Variants in DKK2 observed in about 807,000 individuals in gnomAD.
The protein encoded by DKK2 is dickkopf-related protein 2.
A neutral mutation model predicts 28.1 loss-of-function variants in DKK2; 11 were observed. That is an observed-to-expected ratio of 0.39 (90% CI 0.25 to 0.65). The LOEUF is 0.65. Ranked by LOEUF, DKK2 falls within the 30% of genes least tolerant of loss-of-function variation. The pLI is 0.47. For missense variants in DKK2, 326 were observed against 335.5 expected (o/e 0.97, Z 0.22); for synonymous variants, 135 against 126.5 (o/e 1.07, Z -0.45).
At chr4:106,986,154 C>G (rs556907388) in intron 1 of DKK2, among the ~76,000 whole-genome samples, 1 of 152,234 alleles carries the variant, frequency 6.6e-6, no homozygotes, top group East Asian at 1.9e-4. Flanking sequence ...CTATTTATTT[C>G]CAGAATTCCC....
At chr4:106,932,799 A>G (rs1371045915) in intron 1 of DKK2, among the ~76,000 whole-genome samples, 1 of 152,226 alleles carries the variant, frequency 6.6e-6, no homozygotes, top group Non-Finnish European at 1.5e-5. Context: ...TGGGATTTAT[A>G]GTAAAACATT....
At chr4:106,946,687 C>A (rs949183007) in intron 1 of DKK2, among the ~76,000 whole-genome samples, 1 of 151,942 alleles carries the variant, frequency 6.6e-6, no homozygotes, top group Non-Finnish European at 1.5e-5. Flanking sequence ...ATTCCATCCT[C>A]TCCTTGGAGA....
chr4:107,000,197 C>T (rs1052739368), intron 1 of DKK2, among the ~76,000 whole-genome samples: 1 of 152,056 alleles, frequency 6.6e-6, no homozygotes, highest in Non-Finnish European at 1.5e-5. Flanking sequence ...AAGTCTTAGT[C>T]CTTGGTCAAT....
chr4:106,924,749 T>C, intron 2 of DKK2, 49 bp from the exon 3 acceptor site: 1 of 1,560,646 alleles, frequency 6.4e-7, no homozygotes, highest in Non-Finnish European at 8.8e-7. Context: ...CTATGAAATG[T>C]GATACTTATC....
At chr4:106,997,795 T>A (rs1462011341) in intron 1 of DKK2, among the ~76,000 whole-genome samples, 1 of 152,246 alleles carries the variant, frequency 6.6e-6, no homozygotes, top group Non-Finnish European at 1.5e-5. Flanking sequence ...ACTCAGAAAG[T>A]TCTTTAATAG....
chr4:107,035,221 A>G (rs1578386743), intron 1 of DKK2, 149 bp downstream of exon 1: 1 of 901,858 alleles, frequency 1.1e-6, no homozygotes, highest in Admixed American at 2.5e-5. Context: ...GCCCACGCAG[A>G]CCCTGTTCGG....
intron 1 of DKK2, among the ~76,000 whole-genome samples, chr4:107,032,086 C>G (rs1264352502): frequency 2.0e-5 from 3 of 151,840 alleles, no homozygotes; most frequent in Non-Finnish European, 4.4e-5. Flanking sequence ...TTAATTTAGC[C>G]TGTATACATA....
chr4:106,971,302 A>G (rs1019569797), intron 1 of DKK2, among the ~76,000 whole-genome samples: 3 of 152,234 alleles, frequency 2.0e-5, no homozygotes, highest in South Asian at 4.1e-4. Context: ...AGGAAATCAC[A>G]TTATATTCCT....
chr4:107,010,397 T>C (rs1238905577), intron 1 of DKK2, among the ~76,000 whole-genome samples: 2 of 151,760 alleles, frequency 1.3e-5, no homozygotes, highest in African/African-American at 2.4e-5. Context: ...ATTGCTGTTT[T>C]CATGTGATGT....
chr4:107,002,438 A>T (rs1038986357), intron 1 of DKK2, among the ~76,000 whole-genome samples: 2 of 152,168 alleles, frequency 1.3e-5, no homozygotes, highest in Non-Finnish European at 2.9e-5. Context: ...TTTTACAAAG[A>T]TATGGCTTTA....
intron 1 of DKK2, among the ~76,000 whole-genome samples, chr4:106,966,744 A>G (rs553726001): frequency 6.6e-6 from 1 of 152,334 alleles, no homozygotes; most frequent in African/African-American, 2.4e-5. Flanking sequence ...AATTATATGG[A>G]TGGCAGCAGG....
chr4:106,964,050 T>G (rs1198579426), intron 1 of DKK2, among the ~76,000 whole-genome samples: 1 of 152,218 alleles, frequency 6.6e-6, no homozygotes, highest in African/African-American at 2.4e-5. Context: ...GCCAGCACCA[T>G]GCTTTTTGGT....
At chr4:106,974,910 C>T (rs572720710) in intron 1 of DKK2, among the ~76,000 whole-genome samples, 2 of 152,092 alleles carry the variant, frequency 1.3e-5, no homozygotes, top group East Asian at 1.9e-4. Flanking sequence ...TTTTGAGATA[C>T]GTTCCATCAA....
chr4:106,974,286 T>C (rs954426019), intron 1 of DKK2, among the ~76,000 whole-genome samples: 3 of 152,176 alleles, frequency 2.0e-5, no homozygotes, highest in African/African-American at 4.8e-5. Flanking sequence ...AGAAAGTCAA[T>C]GGTAGCTTGA....
At chr4:106,993,472 A>G (rs1723231652) in intron 1 of DKK2, among the ~76,000 whole-genome samples, 1 of 152,192 alleles carries the variant, frequency 6.6e-6, no homozygotes, top group South Asian at 2.1e-4. Flanking sequence ...ACCAATTTCC[A>G]TTACAACTAA....
chr4:106,974,953 G>A (rs1040718383), intron 1 of DKK2, among the ~76,000 whole-genome samples: 1 of 152,076 alleles, frequency 6.6e-6, no homozygotes, highest in Non-Finnish European at 1.5e-5. Context: ...TAGTATAAAG[G>A]GGTGTTGAAT....
At chr4:106,935,383 C>T (rs976458447) in intron 1 of DKK2, among the ~76,000 whole-genome samples, 2 of 152,220 alleles carry the variant, frequency 1.3e-5, no homozygotes, top group Admixed American at 6.5e-5. Context: ...GGGTCACTCC[C>T]ACCCGAATAC....
At chr4:106,958,806 T>A (rs1360976454) in intron 1 of DKK2, among the ~76,000 whole-genome samples, 2 of 134,870 alleles carry the variant, frequency 1.5e-5, no homozygotes, top group Non-Finnish European at 3.1e-5. Context: ...CACTGCACTC[T>A]AGCCTGGGCA....
intron 1 of DKK2, among the ~76,000 whole-genome samples, chr4:106,933,817 A>G (rs977701058): frequency 6.6e-6 from 1 of 152,158 alleles, no homozygotes; most frequent in Non-Finnish European, 1.5e-5. Context: ...TTTAGAAAAT[A>G]CTTTTTTATG....
Sources: allele counts gnomAD v4.1 joint callset (sites outside exome capture counted in the v4.1 genomes callset), GRCh38; gene constraint gnomAD v4.1.1; transcripts MANE v1.5; gene names NCBI Gene and HGNC (gene_info 2026-07-23, HGNC 2026-07-21).